Variants in FHAD1 observed in about 807,000 individuals in gnomAD.
FHAD1 encodes the protein forkhead associated phosphopeptide binding domain 1.
Under a neutral mutation model 191.3 loss-of-function variants are expected in FHAD1, and 146 were observed. The observed-to-expected ratio is 0.76, with a 90% CI of 0.67 to 0.88. The LOEUF is 0.88. Ranked by LOEUF, FHAD1 falls within the 40% of genes least tolerant of loss-of-function variation. The pLI is 0.00. For missense variants in FHAD1, 1,635 were observed against 1,785.8 expected (o/e 0.92, Z 1.52); for synonymous variants, 616 against 672.3 (o/e 0.92, Z 1.29).
chr1:15,304,963 C>T (rs930088837), intron 6 of FHAD1, among the ~76,000 whole-genome samples: 1 of 152,142 alleles, frequency 6.6e-6, no homozygotes, highest in African/African-American at 2.4e-5. Flanking sequence ...CGGGGTCCCC[C>T]CCGACTCCCA....
At chr1:15,380,901 G>A in intron 29 of FHAD1, 105 bp downstream of exon 29, 2 of 809,366 alleles carry the variant, frequency 2.5e-6, no homozygotes, top group Non-Finnish European at 4.0e-6. Flanking sequence ...TGCCTATTTA[G>A]TTACTCTAAT....
At position 15,381,467 on chromosome 1, in the gene FHAD1, C is replaced by A; in HGVS notation, c.4022+16C>A. ...AACAGCTCAGGTACCTCGGCACCCC[C>A]ATGTCCCCACAGAAAGGCCCGGGCC... On this transcript the variant is annotated intron_variant, in intron 30 of 33. Coordinates refer to ENST00000688493, the MANE Select transcript of FHAD1 (RefSeq NM_001391957.1). This position sits in a 1 kb window ranked among gnomAD's most constrained non-coding sequence, Gnocchi z 4.6. 2 of 1,542,104 alleles carry A rather than the reference C, an allele frequency of 1.3e-6. No individual in the cohort carries two copies. Among genetic ancestry groups the A allele is most frequent in the African/African-American group, 1.4e-5 (1 of 72,922 alleles).
At chr1:15,397,052 G>A (rs533114831) in intron 33 of FHAD1, among the ~76,000 whole-genome samples, 24 of 149,238 alleles carry the variant, frequency 1.6e-4, no homozygotes, top group South Asian at 1.0e-3. Context: ...TTAGCTGGGC[G>A]TGGTGGCGGG....
intron 14 of FHAD1, among the ~76,000 whole-genome samples, chr1:15,331,565 T>C (rs1344488703): frequency 2.9e-4 from 10 of 34,980 alleles, no homozygotes; most frequent in African/African-American, 1.0e-3. Context: ...GGTGGGTGGA[T>C]GGATGGGAGG....
chr1:15,314,331 C>G (rs751083146), intron 8 of FHAD1: 1 of 152,102 alleles, frequency 6.6e-6, no homozygotes, highest in East Asian at 1.9e-4. Flanking sequence ...CCGCAGTGCC[C>G]CAACTGGAGC....
At chr1:15,303,684 A>C (rs1189787550) in intron 6 of FHAD1, among the ~76,000 whole-genome samples, 1 of 152,090 alleles carries the variant, frequency 6.6e-6, no homozygotes, top group Non-Finnish European at 1.5e-5. Context: ...ACCCGTCTCT[A>C]CTAAAAATAC....
At chr1:15,285,809 G>C (rs888765703) in intron 3 of FHAD1, among the ~76,000 whole-genome samples, 1 of 152,198 alleles carries the variant, frequency 6.6e-6, no homozygotes, top group Non-Finnish European at 1.5e-5. Flanking sequence ...AGTGTCCATG[G>C]ACAGATGAAT....
At position 15,316,415 on chromosome 1, in the gene FHAD1, C is replaced by T. The variant is rs955721858; in HGVS notation, c.1208C>T (p.Ala403Val). Residue 403 changes from alanine to valine, a missense_variant, in exon 9 of 34, where the codon GCT (alanine) becomes GTT (valine). Coordinates refer to ENST00000688493, the MANE Select transcript of FHAD1 (RefSeq NM_001391957.1). The surrounding 1 kb of genome is among the most constrained non-coding windows in gnomAD (Gnocchi z 4.3). ...VLKEELKQED[A>V]HRELREAQEK... ...AAGGAAGAGTTAAAACAGGAAGATGCTCACAGGGAGCTCAGGGAAGCCCAG... is the reference window on the plus strand; with the variant it reads ...AAGGAAGAGTTAAAACAGGAAGATGTTCACAGGGAGCTCAGGGAAGCCCAG... 18 of 1,551,722 alleles carry T rather than the reference C, an allele frequency of 1.2e-5. No homozygotes were observed. The highest frequency in any genetic ancestry group is 1.3e-5 in the Non-Finnish European group (15 of 1,146,986).
chr1:15,339,157 C>A (rs2102153884), intron 14 of FHAD1, among the ~76,000 whole-genome samples: 1 of 152,260 alleles, frequency 6.6e-6, no homozygotes, highest in South Asian at 2.1e-4. Flanking sequence ...GCTGGAATTA[C>A]AAACATGCGC....
upstream of FHAD1, among the ~76,000 whole-genome samples, chr1:15,242,777 G>T (rs1211847458): frequency 6.6e-6 from 1 of 152,184 alleles, no homozygotes; most frequent in Admixed American, 6.5e-5. Flanking sequence ...TTTGTGACCT[G>T]GGTTGAGATT....
At chr1:15,299,016 ACAAAAAC>A in intron 5 of FHAD1, among the ~76,000 whole-genome samples, 1 of 137,066 alleles carries the variant, frequency 7.3e-6, no homozygotes, top group African/African-American at 3.4e-5. Context: ...AAAAAAAAAA[ACAAAAAC>A]AAAAAACAAA....
At chr1:15,301,559 G>A in intron 6 of FHAD1, 118 bp downstream of exon 6, 1 of 760,474 alleles carries the variant, frequency 1.3e-6, no homozygotes, top group South Asian at 1.8e-5. Context: ...GGAGCATGGT[G>A]GTTAAGAACA....
intron 1 of FHAD1, among the ~76,000 whole-genome samples, chr1:15,249,250 A>G (rs529439330): frequency 1.3e-5 from 2 of 151,806 alleles, no homozygotes; most frequent in African/African-American, 4.8e-5. Flanking sequence ...TCAGGTAGCT[A>G]CCGCAAGGCA....
chr1:15,299,538 TGCAGGTGGGACAGGAAG>T (rs1006733344), intron 5 of FHAD1, among the ~76,000 whole-genome samples: 5 of 152,140 alleles, frequency 3.3e-5, no homozygotes, highest in African/African-American at 4.8e-5. Context: ...CTGGGTCAAT[TGCAGGTGGGACAGGAAG>T]GCAGGTGGGA....
At chr1:15,358,866 G>A (rs484711) in intron 21 of FHAD1, among the ~76,000 whole-genome samples, 75,444 of 152,002 alleles carry the variant, frequency 0.5, 19,108 homozygotes, top group East Asian at 0.76. Flanking sequence ...TAAATTTCAC[G>A]AGGGTGTGGC....
At chr1:15,389,398 T>G (rs1380129838) in intron 32 of FHAD1, among the ~76,000 whole-genome samples, 1 of 124,584 alleles carries the variant, frequency 8.0e-6, no homozygotes, top group Non-Finnish European at 1.6e-5. Flanking sequence ...ATGAGCCACA[T>G]AAGCATCCCG....
chr1:15,347,977 C>T (rs1689526469), intron 18 of FHAD1, among the ~76,000 whole-genome samples: 1 of 152,186 alleles, frequency 6.6e-6, no homozygotes, highest in South Asian at 2.1e-4. Flanking sequence ...CAGAGGAAGG[C>T]CTGGCGAGTG....
chr1:15,277,819 C>G (rs1658976964), intron 3 of FHAD1, among the ~76,000 whole-genome samples: 2 of 152,164 alleles, frequency 1.3e-5, no homozygotes, highest in Non-Finnish European at 2.9e-5. Flanking sequence ...TCCCCCCTTG[C>G]AGTTTCTTTT....
intron 33 of FHAD1, among the ~76,000 whole-genome samples, chr1:15,392,612 A>G (rs1704468648): frequency 6.6e-6 from 1 of 152,132 alleles, no homozygotes; most frequent in African/African-American, 2.4e-5. Context: ...TCGAGTCCTT[A>G]AGGTGATGGA....
Sources: gnomAD v4.1 joint callset for allele counts (sites outside exome capture counted in the v4.1 genomes callset) on GRCh38, gnomAD v4.1.1 for gene constraint, Gnocchi (gnomAD v3.1) non-coding constraint, MANE v1.5 for transcripts, NCBI Gene and HGNC (gene_info 2026-07-23, HGNC 2026-07-21) for gene names.